The following RGS22 variants were observed in gnomAD, a reference collection of about 807,000 sequenced individuals.
The protein encoded by RGS22 is regulator of G-protein signaling 22.
In RGS22, 148 loss-of-function variants were observed where a neutral mutation model predicts 172.9. The ratio of observed to expected loss-of-function variants is 0.86; its 90% CI spans 0.75 to 0.98. RGS22 has a LOEUF of 0.98. Among genes scored for constraint, RGS22 ranks in the 50% least tolerant of loss-of-function variants. The pLI is 0.00. For missense variants in RGS22, 1,347 were observed against 1,440.8 expected (o/e 0.93, Z 1.05); for synonymous variants, 458 against 480.2 (o/e 0.95, Z 0.60).
rs1563655691 is a variant in RGS22 at position 100,041,691 on chromosome 8, T to TGCTTGC, written c.1938+110_1938+111insGCAAGC. 6 of 602,896 alleles carry TGCTTGC rather than the reference T, an allele frequency of 1.0e-5. No individual in the cohort carries two copies. The African/African-American group carries it at 1.1e-4, about 11-fold the overall frequency. The allele number at this position is 602,896 out of a possible 1,614,324, so 37.3% of individuals were successfully genotyped here. ...TTGGCAAGGAAAAAAATCAAATGTG[T>TGCTTGC]TGCTTAGTAAAGAAAAAATATTATG... On this transcript the variant is annotated intron_variant, in intron 12 of 27. Coordinates refer to ENST00000360863, the MANE Select transcript of RGS22 (RefSeq NM_015668.5).
intron 7 of RGS22, among the ~76,000 whole-genome samples, chr8:100,064,833 C>T (rs916524146): frequency 6.6e-6 from 1 of 152,098 alleles, no homozygotes; most frequent in Non-Finnish European, 1.5e-5. Context: ...GAACTGGAAA[C>T]AATAATAGCA....
intron 14 of RGS22, among the ~76,000 whole-genome samples, chr8:100,011,202 GT>G (rs972115088): frequency 1.3e-5 from 2 of 152,158 alleles, no homozygotes; most frequent in Non-Finnish European, 2.9e-5. Flanking sequence ...TTTATCCTTT[GT>G]TAAGGAATTT....
At chr8:100,044,680 AT>A (rs1429747798) in intron 11 of RGS22, among the ~76,000 whole-genome samples, 4 of 94,894 alleles carry the variant, frequency 4.2e-5, no homozygotes, top group African/African-American at 1.7e-4. Context: ...CAAGTTCCTT[AT>A]TCTCTGCCTT....
intron 20 of RGS22, among the ~76,000 whole-genome samples, chr8:99,994,240 A>C (rs551008947): frequency 1.3e-5 from 2 of 152,332 alleles, no homozygotes; most frequent in African/African-American, 4.8e-5. Context: ...CTCCTATTCA[A>C]TGTAGTGTTG....
chr8:100,047,319 T>C, intron 11 of RGS22, 144 bp downstream of exon 11: 1 of 609,148 alleles, frequency 1.6e-6, no homozygotes, highest in Non-Finnish European at 2.6e-6. Flanking sequence ...ATGCAAAGTA[T>C]AAGCCTCTAA....
intron 3 of RGS22, among the ~76,000 whole-genome samples, chr8:100,084,488 A>C (rs1391668948): frequency 1.3e-5 from 2 of 152,210 alleles, no homozygotes; most frequent in Non-Finnish European, 2.9e-5. Flanking sequence ...AATGGCATGC[A>C]ATGTTTCTAT....
At chr8:100,037,398 A>T (rs1463972577) in intron 14 of RGS22, among the ~76,000 whole-genome samples, 1 of 152,250 alleles carries the variant, frequency 6.6e-6, no homozygotes, top group East Asian at 1.9e-4. Context: ...TTTTTTATTT[A>T]TCTTTCTTCA....
At chr8:99,966,874 CT>C (rs892181745) in intron 23 of RGS22, among the ~76,000 whole-genome samples, 1 of 152,228 alleles carries the variant, frequency 6.6e-6, no homozygotes, top group African/African-American at 2.4e-5. Context: ...TCCCCAGCCC[CT>C]GGCAACCTCT....
chr8:100,035,554 T>C (rs1427887451), intron 14 of RGS22, among the ~76,000 whole-genome samples: 1 of 152,204 alleles, frequency 6.6e-6, no homozygotes, highest in Non-Finnish European at 1.5e-5. Context: ...AGTGTGGCAA[T>C]TCCTCCAAGA....
At chr8:100,003,898 G>T in intron 17 of RGS22, 28 bp downstream of exon 17, 1 of 1,489,796 alleles carries the variant, frequency 6.7e-7, no homozygotes, top group Non-Finnish European at 9.0e-7. Flanking sequence ...AATGTTTTCA[G>T]TGAGAAATAT....
intron 3 of RGS22, among the ~76,000 whole-genome samples, chr8:100,087,496 T>C (rs1812250578): frequency 6.6e-6 from 1 of 152,154 alleles, no homozygotes; most frequent in Admixed American, 6.5e-5. Flanking sequence ...TCCACATTTC[T>C]TTGAAAAGGG....
At chr8:100,011,128 G>GGAAAGAGGT (rs1816338599) in intron 14 of RGS22, among the ~76,000 whole-genome samples, 1 of 152,104 alleles carries the variant, frequency 6.6e-6, no homozygotes, top group South Asian at 2.1e-4. Context: ...ACTGGCTAAA[G>GGAAAGAGGT]GAAAGAGGTG....
At chr8:99,977,032 G>C (rs993002454) in intron 23 of RGS22, among the ~76,000 whole-genome samples, 1 of 152,034 alleles carries the variant, frequency 6.6e-6, no homozygotes, top group Non-Finnish European at 1.5e-5. Flanking sequence ...ATGAATGAAC[G>C]GACAGATAGT....
At chr8:99,983,008 C>T (rs1447187882) in intron 21 of RGS22, among the ~76,000 whole-genome samples, 1 of 152,110 alleles carries the variant, frequency 6.6e-6, no homozygotes. Flanking sequence ...ATATTTATGT[C>T]CATGTGTGCC....
intron 4 of RGS22, among the ~76,000 whole-genome samples, chr8:100,074,998 C>T (rs1348644718): frequency 6.6e-6 from 1 of 152,140 alleles, no homozygotes; most frequent in Non-Finnish European, 1.5e-5. Flanking sequence ...TCTCGATCTC[C>T]TGACCTCATG....
rs1820523658 is a variant in RGS22 at position 100,044,660 on chromosome 8, G to C, written c.1824-2744C>G. On this transcript the variant is annotated intron_variant, in intron 11 of 27. Transcript: ENST00000360863. ...TTTTTTTTCGGATTATCTTTTCTTG[G>C]TCTTCTCTTCAAGTTCCTTATTCTC... Among the ~76,000 whole-genome samples, 4 of 142,542 alleles carry C rather than the reference G, an allele frequency of 2.8e-5. No individual in the cohort carries two copies. The Admixed American group carries it at 2.8e-4, about 10-fold the overall frequency. The allele number at this position is 142,542 out of a possible 152,430, so 93.5% of individuals were successfully genotyped here.
chr8:100,006,065 G>C lies in RGS22; in HGVS notation c.2406C>G (p.Phe802Leu). 1.2e-6 allele frequency: 2 copies of C among 1,613,472 alleles called. No homozygotes were observed. The highest frequency in any genetic ancestry group is 8.5e-7 in the Non-Finnish European group (1 of 1,179,666). ...EETRQLDSTY[F>L]RKLQALHKET... ...CTTTATGCAAAGCCTGTAGCTTTCTGAAGTATGTGGAGTCTAACTGTCGAG... is the reference window on the plus strand; with the variant it reads ...CTTTATGCAAAGCCTGTAGCTTTCTCAAGTATGTGGAGTCTAACTGTCGAG... Residue 802 changes from phenylalanine to leucine, a missense_variant, in exon 16 of 28, where the codon TTC becomes TTG. Transcript: ENST00000360863.
At chr8:99,977,808 G>T in intron 23 of RGS22, 109 bp downstream of exon 23, 1 of 875,676 alleles carries the variant, frequency 1.1e-6, no homozygotes, top group Non-Finnish European at 1.7e-6. Flanking sequence ...ACTAATATCT[G>T]TATTCCATAA....
chr8:100,067,043 TTTTTAC>T (rs1245290272), intron 6 of RGS22, among the ~76,000 whole-genome samples: 2 of 152,190 alleles, frequency 1.3e-5, no homozygotes. Flanking sequence ...TCCTTTTTTA[TTTTTAC>T]TAGAGAATCC....
Sources: allele counts gnomAD v4.1 joint callset (sites outside exome capture counted in the v4.1 genomes callset), GRCh38; gene constraint gnomAD v4.1.1; transcripts MANE v1.5; gene names NCBI Gene and HGNC (gene_info 2026-07-23, HGNC 2026-07-21).